Variants in GATAD2B observed in about 807,000 individuals in gnomAD.
GATAD2B encodes the protein GATA zinc finger domain containing 2B.
A neutral mutation model predicts 64.3 loss-of-function variants in GATAD2B; 8 were observed. The ratio of observed to expected loss-of-function variants is 0.12; its 90% confidence interval spans 0.07 to 0.22. The LOEUF (loss-of-function observed/expected upper bound fraction) is 0.22, where lower values mean the gene tolerates loss of function less well. GATAD2B is among the 10% of genes least tolerant of loss of function. The pLI, the probability that GATAD2B is intolerant of heterozygous loss-of-function variation, is 1.00. For missense variants in GATAD2B, 453 were observed against 752.0 expected, an observed-to-expected ratio of 0.60 and a Z score of 4.65; for synonymous variants, 281 against 271.3, an observed-to-expected ratio of 1.04 and a Z score of -0.35.
At chr1:153,905,125 C>A (rs907532658) in intron 1 of GATAD2B, among the ~76,000 whole-genome samples, 1 of 152,182 alleles carries the variant, frequency 6.6e-6, no homozygotes, top group African/African-American at 2.4e-5. Context: ...GGGTTACAGG[C>A]ATGAGCCACT....
At chr1:153,857,663 C>T (rs1324383100) in intron 1 of GATAD2B, among the ~76,000 whole-genome samples, 2 of 152,096 alleles carry the variant, frequency 1.3e-5, no homozygotes, top group Non-Finnish European at 2.9e-5. Flanking sequence ...TGGAATGGTC[C>T]TGGAACATGA....
At position 153,812,152 on chromosome 1, in the gene GATAD2B, C is replaced by A; in HGVS notation, c.1420-20G>T. On this transcript the variant is annotated intron_variant, in intron 8 of 10. Transcript: ENST00000368655. Reference sequence around the variant, plus strand: ...AATTTCCTGTTGGGAGTCATCACATCAGGTGATTGAGCAGGACAGCACCCA... The same window carrying A: ...AATTTCCTGTTGGGAGTCATCACATAAGGTGATTGAGCAGGACAGCACCCA... The A allele has an allele frequency of 4.6e-6, 6 of 1,299,240 alleles. No homozygotes were observed. Among genetic ancestry groups the A allele is most frequent in the Non-Finnish European group, 6.7e-6 (6 of 895,456 alleles). The allele number at this position is 1,299,240 out of a possible 1,614,324, so 80.5% of individuals were successfully genotyped here.
intron 1 of GATAD2B, among the ~76,000 whole-genome samples, chr1:153,829,344 T>C (rs967530659): frequency 6.6e-6 from 1 of 152,240 alleles, no homozygotes; most frequent in Non-Finnish European, 1.5e-5. Flanking sequence ...GAAACACAGT[T>C]TAAAATTGCT....
chr1:153,811,631 C>CA, intron 10 of GATAD2B, 100 bp downstream of exon 10: 1 of 784,426 alleles, frequency 1.3e-6, no homozygotes, highest in Non-Finnish European at 2.2e-6. Context: ...AAAGAAAGAA[C>CA]AGAAAGTAAA....
rs1557782379 is a variant in GATAD2B, at chr1:153,818,000, A to C, written c.729+40T>G. On this transcript the variant is annotated intron_variant, in intron 5 of 10. Coordinates refer to ENST00000368655, the MANE Select transcript of GATAD2B (RefSeq NM_020699.4). ...CCCAAAAACAGAGACAGGATTAGACACGGCCCTCCAACACTAAGATCCCAC... is the reference window on the plus strand; with the variant it reads ...CCCAAAAACAGAGACAGGATTAGACCCGGCCCTCCAACACTAAGATCCCAC... The C allele has an allele frequency of 2.6e-6, 4 of 1,535,246 alleles. No homozygotes were observed. The South Asian group carries it at 5.0e-5, about 19-fold the overall frequency.
chr1:153,898,306 C>CAAAAAAAA (rs11373311), intron 1 of GATAD2B, among the ~76,000 whole-genome samples: 16 of 79,844 alleles, frequency 2.0e-4, no homozygotes, highest in African/African-American at 2.7e-4. Flanking sequence ...CAGCCTGTCT[C>CAAAAAAAA]AAAAAAAAAA....
chr1:153,913,898 T>C (rs1453693436), intron 1 of GATAD2B, among the ~76,000 whole-genome samples: 1 of 129,960 alleles, frequency 7.7e-6, no homozygotes, highest in African/African-American at 2.9e-5. Context: ...CCAGCCTGGA[T>C]GACAGAGCAA....
intron 1 of GATAD2B, among the ~76,000 whole-genome samples, chr1:153,854,121 G>C (rs1041529767): frequency 1.3e-5 from 2 of 152,088 alleles, no homozygotes; most frequent in African/African-American, 4.8e-5. Context: ...GAAGCCTTTA[G>C]GCCAGGCACG....
intron 1 of GATAD2B, among the ~76,000 whole-genome samples, chr1:153,876,683 A>C (rs557653491): frequency 6.6e-6 from 1 of 152,228 alleles, no homozygotes; most frequent in African/African-American, 2.4e-5. Flanking sequence ...ACACGAAAGC[A>C]AATGTGCCAG....
chr1:153,921,074 C>T (rs1224760490), intron 1 of GATAD2B, among the ~76,000 whole-genome samples: 1 of 152,198 alleles, frequency 6.6e-6, no homozygotes, highest in Admixed American at 6.5e-5. Flanking sequence ...CAACTAAGTA[C>T]TGACAGAAAT....
At chr1:153,867,495 C>A (rs909293774) in intron 1 of GATAD2B, among the ~76,000 whole-genome samples, 1 of 151,874 alleles carries the variant, frequency 6.6e-6, no homozygotes, top group Admixed American at 6.6e-5. Context: ...GGTGACAGAG[C>A]AAGACCCTGT....
intron 1 of GATAD2B, among the ~76,000 whole-genome samples, chr1:153,874,463 T>C (rs372266295): frequency 2.0e-4 from 30 of 152,288 alleles, no homozygotes; most frequent in African/African-American, 2.2e-4. Flanking sequence ...GCCATGTCAA[T>C]AGACCCTCCC....
At chr1:153,844,180 C>T (rs1675599496) in intron 1 of GATAD2B, among the ~76,000 whole-genome samples, 1 of 151,758 alleles carries the variant, frequency 6.6e-6, no homozygotes, top group African/African-American at 2.4e-5. Context: ...TGCTGATCAG[C>T]ACATGTGACT....
chr1:153,848,848 G>A (rs900811849), intron 1 of GATAD2B, among the ~76,000 whole-genome samples: 3 of 152,284 alleles, frequency 2.0e-5, no homozygotes, highest in Admixed American at 2.0e-4. Flanking sequence ...CAGCTACTCA[G>A]AAGGCTGAGG....
intron 1 of GATAD2B, among the ~76,000 whole-genome samples, chr1:153,858,304 A>C (rs1358002016): frequency 4.6e-5 from 7 of 152,148 alleles, no homozygotes. Context: ...GGTGGCTTAC[A>C]CCTGTAATCC....
At chr1:153,869,890 G>T (rs142723065) in intron 1 of GATAD2B, among the ~76,000 whole-genome samples, 1 of 152,250 alleles carries the variant, frequency 6.6e-6, no homozygotes, top group East Asian at 1.9e-4. Flanking sequence ...ACTTTGGGAG[G>T]CTGAGGCGGC....
intron 1 of GATAD2B, among the ~76,000 whole-genome samples, chr1:153,851,145 C>T (rs900351917): frequency 6.6e-6 from 1 of 152,158 alleles, no homozygotes; most frequent in East Asian, 1.9e-4. Context: ...CACCATTTGA[C>T]TCTGTCAACC....
At chr1:153,893,326 TG>T (rs1221168220) in intron 1 of GATAD2B, among the ~76,000 whole-genome samples, 1 of 152,100 alleles carries the variant, frequency 6.6e-6, no homozygotes, top group East Asian at 1.9e-4. Flanking sequence ...TTATCCCAGC[TG>T]GGCACGGGCC....
chr1:153,811,373 G>A (rs1461225351), intron 10 of GATAD2B, among the ~76,000 whole-genome samples: 1 of 152,210 alleles, frequency 6.6e-6, no homozygotes, highest in African/African-American at 2.4e-5. Flanking sequence ...CATTAAATCA[G>A]CTTTGATTTT....
Sources: allele counts gnomAD v4.1 joint callset (sites outside exome capture counted in the v4.1 genomes callset), GRCh38; gene constraint gnomAD v4.1.1; transcripts MANE v1.5; gene names NCBI Gene and HGNC (gene_info 2026-07-23, HGNC 2026-07-21).